The following LY9 variants were observed in gnomAD, a reference collection of about 807,000 sequenced individuals.
The protein encoded by LY9 is T-lymphocyte surface antigen Ly-9.
A neutral mutation model predicts 64.6 loss-of-function variants in LY9; 59 were observed. The ratio of observed to expected loss-of-function variants is 0.91; its 90% CI spans 0.74 to 1.13. The LOEUF is 1.13. Among genes scored for constraint, LY9 ranks in the 50% most tolerant of loss-of-function variants. LY9 has a pLI of 0.00. For missense variants in LY9, 789 were observed against 797.2 expected, an observed-to-expected ratio of 0.99 and a Z score of 0.12; for synonymous variants, 281 against 308.5, an observed-to-expected ratio of 0.91 and a Z score of 0.93.
At chr1:160,825,721 C>T (rs182582777) in intron 9 of LY9, among the ~76,000 whole-genome samples, 1 of 152,180 alleles carries the variant, frequency 6.6e-6, no homozygotes. Context: ...ACCAGCCTGG[C>T]CAACATGGTA....
chr1:160,805,919 C>CTTTTTTTTTTTTTTTT (rs60244350), intron 2 of LY9, among the ~76,000 whole-genome samples: 108 of 72,246 alleles, frequency 1.5e-3, no homozygotes, highest in African/African-American at 2.1e-3. Flanking sequence ...CATTCTTTGT[C>CTTTTTTTTTTTTTTTT]TTTTTTTTTT....
intron 9 of LY9, 36 bp from the exon 10 acceptor site, chr1:160,827,712 A>G (rs751761525): frequency 1.3e-6 from 2 of 1,541,740 alleles, no homozygotes; most frequent in Non-Finnish European, 1.8e-6. Context: ...CCAAGGCTTT[A>G]TTAACCATAT....
chr1:160,797,315 G>A, intron 1 of LY9: 1 of 983,186 alleles, frequency 1.0e-6, no homozygotes, highest in Non-Finnish European at 1.2e-6. Context: ...GTTGGCAGTT[G>A]GTGCCTGAAG....
intron 2 of LY9, chr1:160,812,125 TATCAGCGGC>T (rs1174005199): frequency 6.6e-6 from 1 of 152,188 alleles, no homozygotes; most frequent in Admixed American, 6.5e-5. Context: ...CCAATGAAGG[TATCAGCGGC>T]TTGGTTTCTT....
chr1:160,798,149 T>A (rs1419371774), intron 1 of LY9, among the ~76,000 whole-genome samples: 2 of 152,166 alleles, frequency 1.3e-5, no homozygotes, highest in African/African-American at 4.8e-5. Context: ...CCCCCTCCAC[T>A]GAGAGTCTGT....
chr1:160,814,456 CTG>C lies in LY9; in HGVS notation c.770_771del (p.Val257GlyfsTer28). ...TCCAGAGGAGGAACAACGGGGGAGA[CTG>C]TGGTAGGGGTCCTGGGAGAGCCAGT... On this transcript the variant is annotated frameshift_variant, in exon 4 of 10. Transcript: ENST00000263285. LOFTEE classifies it high-confidence loss of function. 2.5e-6 allele frequency: 4 copies of C among 1,613,552 alleles called. No individual in the cohort carries two copies. Among genetic ancestry groups the C allele is most frequent in the Non-Finnish European group, 3.4e-6 (4 of 1,179,676 alleles).
rs375487305 is a variant in LY9 at position 160,823,581 on chromosome 1, A to C, written c.1615A>C (p.Ser539Arg). The change falls in exon 8 of 10, where the codon AGC becomes CGC. Residue 539 changes from serine to arginine, a missense_variant. Transcript: ENST00000263285. ...ACCCACCTCAGACAGCAGCTCTGAC[A>C]GCAACCTCACAACTGAGGAGGATGA... Reference protein sequence around the residue: ...PTPTSDSSSDSNLTTEEDEDR... With the variant: ...PTPTSDSSSDRNLTTEEDEDR... 54 of 1,614,196 alleles carry C rather than the reference A, an allele frequency of 3.3e-5. No individual in the cohort carries two copies. Among genetic ancestry groups the C allele is most frequent in the Non-Finnish European group, 4.6e-5 (54 of 1,180,008 alleles).
At position 160,796,197 on chromosome 1, in the gene LY9, C is replaced by T. The variant is rs940627809; in HGVS notation, c.10C>T (p.Pro4Ser). 3.1e-6 allele frequency: 5 copies of T among 1,613,962 alleles called. No individual in the cohort carries two copies. Among genetic ancestry groups the T allele is most frequent in the Non-Finnish European group, 4.2e-6 (5 of 1,179,982 alleles). MVA[P>S]KSHTDDWAPG... is the part of the protein sequence containing the mutation. ...CTGAAAATAGATCATCATGGTGGCACCAAAGAGTCACACAGATGACTGGGC... is the reference window on the plus strand; with the variant it reads ...CTGAAAATAGATCATCATGGTGGCATCAAAGAGTCACACAGATGACTGGGC... Residue 4 changes from proline (P) to serine (S), a missense_variant, in exon 1 of 10, where the codon CCA becomes TCA. Coordinates refer to ENST00000263285, the MANE Select transcript of LY9 (RefSeq NM_002348.4).
chr1:160,799,705 G>A (rs1447138875), intron 1 of LY9, 48 bp from the exon 2 acceptor site: 6 of 1,187,512 alleles, frequency 5.1e-6, no homozygotes, highest in Non-Finnish European at 7.3e-6. Flanking sequence ...AAGAAGGCTA[G>A]CTCAAGGAGT....
chr1:160,824,341 G>T, intron 9 of LY9, 92 bp downstream of exon 9: 2 of 1,567,950 alleles, frequency 1.3e-6, no homozygotes, highest in East Asian at 2.3e-5. Context: ...GATTCCCATG[G>T]CTAAGGATCT....
chr1:160,796,555 GC>G (rs1261506663), intron 1 of LY9, among the ~76,000 whole-genome samples: 1 of 152,022 alleles, frequency 6.6e-6, no homozygotes, highest in Non-Finnish European at 1.5e-5. Flanking sequence ...AACACACCCA[GC>G]TAATCTTTGT....
chr1:160,814,291 AG>A, intron 3 of LY9, 128 bp from the exon 4 acceptor site: 1 of 718,186 alleles, frequency 1.4e-6, no homozygotes, highest in East Asian at 2.5e-5. Flanking sequence ...CATGCCCCTC[AG>A]AGGAGGAGGC....
chr1:160,818,757 A>G (rs1322245020), intron 6 of LY9, among the ~76,000 whole-genome samples: 1 of 152,140 alleles, frequency 6.6e-6, no homozygotes, highest in Non-Finnish European at 1.5e-5. Context: ...CCACAACACA[A>G]CAGCTGGCAG....
At chr1:160,824,329 G>C in intron 9 of LY9, 80 bp downstream of exon 9, 2 of 1,584,546 alleles carry the variant, frequency 1.3e-6, no homozygotes, top group Non-Finnish European at 1.7e-6. Flanking sequence ...CTGAAAATCC[G>C]AGATTCCCAT....
intron 7 of LY9, among the ~76,000 whole-genome samples, chr1:160,821,719 T>C (rs917204078): frequency 6.6e-6 from 1 of 152,206 alleles, no homozygotes; most frequent in Non-Finnish European, 1.5e-5. Context: ...GCTCAAACCC[T>C]AGCTCTCCTC....
Position 160,799,868 on chromosome 1 carries a change from G to A in LY9, c.240G>A (p.Trp80Ter), listed in dbSNP as rs1403226367. ...ACACAGAGATTGAGAACGTCATCTG[G>A]ATTGGTCCCAAAAATGCTCTTGCTT... ...SVDTEIENVI[W>*]IGPKNALAFA... The change falls in exon 2 of 10, where the codon TGG becomes TGA. Residue 80 changes from tryptophan (W) to a stop codon, truncating the protein, a stop_gained. Coordinates refer to ENST00000263285, the MANE Select transcript of LY9 (RefSeq NM_002348.4). LOFTEE classifies it high-confidence loss of function. 6.2e-7 allele frequency: 1 copy of A among 1,614,094 alleles called. No homozygotes were observed. The highest frequency in any genetic ancestry group is 1.3e-5 in the African/African-American group (1 of 75,012).
At chr1:160,811,091 C>G (rs761992300) in intron 2 of LY9, 10 of 152,304 alleles carry the variant, frequency 6.6e-5, no homozygotes, top group Non-Finnish European at 1.3e-4. Context: ...GTTCTGCCCC[C>G]TGGAACCAAG....
At chr1:160,798,608 C>T (rs1296690101) in intron 1 of LY9, among the ~76,000 whole-genome samples, 1 of 152,146 alleles carries the variant, frequency 6.6e-6, no homozygotes, top group Non-Finnish European at 1.5e-5. Flanking sequence ...GCCCTGCATG[C>T]TCCATAGCTG....
chr1:160,814,922 G>A, intron 4 of LY9, 161 bp downstream of exon 4: 1 of 631,450 alleles, frequency 1.6e-6, no homozygotes, highest in Non-Finnish European at 2.7e-6. Context: ...ATTCATAGGA[G>A]GCAAACTCAT....
Sources: gnomAD v4.1 joint callset for allele counts (sites outside exome capture counted in the v4.1 genomes callset) on GRCh38, gnomAD v4.1.1 for gene constraint, MANE v1.5 for transcripts, NCBI Gene and HGNC (gene_info 2026-07-23, HGNC 2026-07-21) for gene names.